PLCB1: variants seen among roughly 807,000 people sequenced by gnomAD.
PLCB1 encodes phospholipase C beta 1.
In PLCB1, 46 loss-of-function variants were observed where a neutral mutation model predicts 161.8. The ratio of observed to expected loss-of-function variants is 0.28; its 90% CI spans 0.22 to 0.36. The LOEUF (loss-of-function observed/expected upper bound fraction) is 0.36. PLCB1 is among the 10% of genes least tolerant of loss of function. The pLI, the probability that PLCB1 is intolerant of heterozygous loss-of-function variation, is 1.00. For missense variants in PLCB1, 1,016 were observed against 1,472.5 expected (o/e 0.69, Z 5.07); for synonymous variants, 517 against 503.7 (o/e 1.03, Z -0.35).
intron 3 of PLCB1, among the ~76,000 whole-genome samples, chr20:8,485,074 A>T (rs1326504261): frequency 6.6e-6 from 1 of 152,262 alleles, no homozygotes; most frequent in Admixed American, 6.5e-5. Context: ...TAATTATAAT[A>T]GACTTGTATT....
chr20:8,699,970 A>G (rs1412692000), intron 11 of PLCB1, among the ~76,000 whole-genome samples: 1 of 152,254 alleles, frequency 6.6e-6, no homozygotes, highest in South Asian at 2.1e-4. Flanking sequence ...GTGGAAAATC[A>G]ATGTTTAATT....
At chr20:8,770,232 G>A (rs1161795547) in intron 26 of PLCB1, among the ~76,000 whole-genome samples, 2 of 152,198 alleles carry the variant, frequency 1.3e-5, no homozygotes, top group Admixed American at 6.5e-5. Context: ...GATTACAGGC[G>A]TGAGCCACCA....
At chr20:8,817,158 CAG>C (rs931777716) in intron 31 of PLCB1, among the ~76,000 whole-genome samples, 3 of 152,160 alleles carry the variant, frequency 2.0e-5, no homozygotes, top group Non-Finnish European at 2.9e-5. Context: ...GAAAACAAAA[CAG>C]AGAGACCTGA....
intron 9 of PLCB1, among the ~76,000 whole-genome samples, chr20:8,681,788 A>G (rs887188167): frequency 1.2e-4 from 18 of 152,246 alleles, no homozygotes; most frequent in Admixed American, 3.9e-4. Context: ...TACAAATTTC[A>G]TATCATTTGA....
Position 8,482,397 on chromosome 20 carries a change from C to T in PLCB1, c.246+110947C>T, listed in dbSNP as rs140385813. On this transcript the variant is annotated intron_variant, in intron 3 of 31. Transcript: ENST00000338037. The stretch of plus-strand genomic sequence containing the variant: ...GATTATAGGTGTGAGCCACCGTGCC[C>T]AGCCAGAAATTATTTTTAAAACTGT... 9.5e-3 allele frequency among the ~76,000 whole-genome samples: 1,450 copies of T among 152,192 alleles called. 25 individuals carry two copies. Among genetic ancestry groups the T allele is most frequent in the African/African-American group, 0.033 (1,382 of 41,530 alleles).
At chr20:8,502,116 T>A (rs1287267912) in intron 3 of PLCB1, among the ~76,000 whole-genome samples, 1 of 151,970 alleles carries the variant, frequency 6.6e-6, no homozygotes, top group Non-Finnish European at 1.5e-5. Context: ...CATTTTAATG[T>A]ATATAATGAC....
chr20:8,239,094 G>A lies in PLCB1; in HGVS notation c.177+88723G>A, dbSNP rs565286531. On this transcript the variant is annotated intron_variant, in intron 2 of 31. Coordinates refer to ENST00000338037, the MANE Select transcript of PLCB1 (RefSeq NM_015192.4). ...ACAGAAAGAACCCTAAGTGAAAGCA[G>A]GAGGAGATTGGAGCAGTATACCAGG... is the stretch of plus-strand genomic sequence containing the variant. Among the ~76,000 whole-genome samples the A allele has an allele frequency of 3.6e-4, 54 of 152,108 alleles. No individual in the cohort carries two copies. In the South Asian group the frequency reaches 0.011, roughly 30 times the overall value.
intron 3 of PLCB1, among the ~76,000 whole-genome samples, chr20:8,600,236 T>G (rs1987502249): frequency 7.8e-6 from 1 of 127,444 alleles, no homozygotes; most frequent in African/African-American, 3.1e-5. Context: ...TGGTTTTATC[T>G]ACTTTTGGTC....
In PLCB1 at chr20:8,287,286, A is replaced by G. The variant is rs142677997; in HGVS notation, c.178-84096A>G. Among the ~76,000 whole-genome samples the G allele has an allele frequency of 1.8e-4, 28 of 152,294 alleles. 1 individual carries two copies. The East Asian group carries it at 4.8e-3, about 26-fold the overall frequency. ...ATATATGATGTTGTAGTAGCCTGTG[A>G]TATAATATATACATGTACATTGATT... On this transcript the variant is annotated intron_variant, in intron 2 of 31. Coordinates refer to ENST00000338037, the MANE Select transcript of PLCB1 (RefSeq NM_015192.4).
intron 12 of PLCB1, 108 bp from the exon 13 acceptor site, chr20:8,716,156 G>A: frequency 2.6e-6 from 2 of 760,372 alleles, no homozygotes; most frequent in East Asian, 5.3e-5. Context: ...CCTGATGGGT[G>A]GGATTAGAGA....
At chr20:8,571,828 C>T (rs957865414) in intron 3 of PLCB1, among the ~76,000 whole-genome samples, 4 of 152,060 alleles carry the variant, frequency 2.6e-5, no homozygotes, top group African/African-American at 7.2e-5. Context: ...ATTTAAAGCT[C>T]GGGGTGTCTG....
At chr20:8,344,598 G>A (rs1276842325) in intron 2 of PLCB1, among the ~76,000 whole-genome samples, 1 of 152,042 alleles carries the variant, frequency 6.6e-6, no homozygotes, top group African/African-American at 2.4e-5. Context: ...CAGTACTGCA[G>A]CCCACCTGCT....
intron 31 of PLCB1, among the ~76,000 whole-genome samples, chr20:8,795,877 CAA>C (rs368453811): frequency 2.1e-4 from 15 of 71,746 alleles, no homozygotes; most frequent in African/African-American, 3.1e-4. Flanking sequence ...CACCCTGTCT[CAA>C]AAAAAAAAAA....
intron 31 of PLCB1, among the ~76,000 whole-genome samples, chr20:8,872,980 A>G (rs368056800): frequency 4.6e-5 from 7 of 152,288 alleles, no homozygotes; most frequent in African/African-American, 1.7e-4. Context: ...ATTCAAACTC[A>G]GCTGTAAACT....
chr20:8,763,599 C>G (rs1982156633), intron 25 of PLCB1, among the ~76,000 whole-genome samples: 1 of 152,028 alleles, frequency 6.6e-6, no homozygotes, highest in Non-Finnish European at 1.5e-5. Context: ...GTTGGCCAGG[C>G]TGGTCTCGAA....
intron 31 of PLCB1, among the ~76,000 whole-genome samples, chr20:8,870,092 C>A (rs1017013373): frequency 1.3e-5 from 2 of 152,158 alleles, no homozygotes; most frequent in East Asian, 3.9e-4. Context: ...GAAATAGACT[C>A]CTCATCTCTC....
chr20:8,283,897 T>C (rs185142517), intron 2 of PLCB1, among the ~76,000 whole-genome samples: 1 of 152,226 alleles, frequency 6.6e-6, no homozygotes, highest in Admixed American at 6.5e-5. Flanking sequence ...TATATGACCG[T>C]TATCTGTTTT....
chr20:8,563,189 G>A (rs947012686), intron 3 of PLCB1, among the ~76,000 whole-genome samples: 2 of 151,856 alleles, frequency 1.3e-5, no homozygotes, highest in African/African-American at 4.8e-5. Context: ...TTTATACAGT[G>A]AACAAAAAAG....
chr20:8,643,848 A>G (rs936965839), intron 4 of PLCB1, among the ~76,000 whole-genome samples: 7 of 148,168 alleles, frequency 4.7e-5, no homozygotes, highest in Admixed American at 1.4e-4. Flanking sequence ...ATGCCGAGCC[A>G]AAGCTGGACT....
Sources: gnomAD v4.1 joint callset for allele counts (sites outside exome capture counted in the v4.1 genomes callset) on GRCh38, gnomAD v4.1.1 for gene constraint, MANE v1.5 for transcripts, NCBI Gene and HGNC (gene_info 2026-07-23, HGNC 2026-07-21) for gene names.